SLIT2: variants seen among roughly 807,000 people sequenced by gnomAD.
The protein encoded by SLIT2 is slit guidance ligand 2, also known as slit homolog 2 protein.
Under a neutral mutation model 185.7 loss-of-function variants are expected in SLIT2, and 41 were observed. The observed-to-expected ratio is 0.22, with a 90% CI of 0.17 to 0.29. The LOEUF is 0.29. Ranked by LOEUF, SLIT2 falls within the 10% of genes least tolerant of loss-of-function variation. The pLI, the probability that SLIT2 is intolerant of heterozygous loss-of-function variation, is 1.00. For missense variants in SLIT2, 1,571 were observed against 1,909.0 expected (o/e 0.82, Z 3.30); for synonymous variants, 693 against 680.2 (o/e 1.02, Z -0.29).
intron 4 of SLIT2, among the ~76,000 whole-genome samples, chr4:20,389,062 G>T (rs948933010): frequency 5.3e-5 from 8 of 150,148 alleles, no homozygotes; most frequent in African/African-American, 1.7e-4. Flanking sequence ...TAAAATATCT[G>T]TTCTTAGTCT....
At chr4:20,397,153 G>T (rs1725960444) in intron 4 of SLIT2, among the ~76,000 whole-genome samples, 1 of 151,552 alleles carries the variant, frequency 6.6e-6, no homozygotes, top group African/African-American at 2.4e-5. Flanking sequence ...ATGCTAGTGG[G>T]AGCCCCCAGA....
chr4:20,424,066 A>G (rs1728368245), intron 4 of SLIT2, among the ~76,000 whole-genome samples: 1 of 152,126 alleles, frequency 6.6e-6, no homozygotes, highest in South Asian at 2.1e-4. Context: ...TGTAAATGAA[A>G]CCATTTGTTC....
At chr4:20,387,859 C>G (rs1256694967) in intron 4 of SLIT2, among the ~76,000 whole-genome samples, 1 of 152,058 alleles carries the variant, frequency 6.6e-6, no homozygotes, top group African/African-American at 2.4e-5. Context: ...TTTACTGACA[C>G]CCTGATTTCA....
intron 4 of SLIT2, among the ~76,000 whole-genome samples, chr4:20,338,349 A>G (rs78728181): frequency 0.061 from 9,241 of 152,222 alleles, 365 homozygotes; most frequent in Non-Finnish European, 0.092. Context: ...TGATGGCACA[A>G]TTATTTTCAT....
chr4:20,458,088 C>CAAA (rs10672353), intron 4 of SLIT2, among the ~76,000 whole-genome samples: 10,528 of 112,592 alleles, frequency 0.094, 444 homozygotes, highest in Non-Finnish European at 0.11. Context: ...ACACATTATG[C>CAAA]AAAAAAAAAA....
At chr4:20,491,541 T>A (rs555604974) in intron 8 of SLIT2, among the ~76,000 whole-genome samples, 116 of 152,236 alleles carry the variant, frequency 7.6e-4, no homozygotes, top group African/African-American at 2.7e-3. Context: ...TTATGACCAG[T>A]TTTTAGAATC....
intron 26 of SLIT2, among the ~76,000 whole-genome samples, chr4:20,560,833 A>C (rs1260053840): frequency 3.3e-5 from 5 of 151,904 alleles, no homozygotes; most frequent in Non-Finnish European, 7.4e-5. Context: ...TTAAACAAAT[A>C]TTATTCAAGT....
At chr4:20,605,467 A>G (rs1206521812) in intron 33 of SLIT2, among the ~76,000 whole-genome samples, 1 of 152,188 alleles carries the variant, frequency 6.6e-6, no homozygotes, top group Non-Finnish European at 1.5e-5. Flanking sequence ...TCAAATTCCC[A>G]GTGGAAAGGC....
chr4:20,355,970 G>C (rs1722286907), intron 4 of SLIT2, among the ~76,000 whole-genome samples: 1 of 151,948 alleles, frequency 6.6e-6, no homozygotes, highest in Admixed American at 6.6e-5. Flanking sequence ...TAAGGACCTA[G>C]CATTATAAAA....
chr4:20,415,791 A>G lies in SLIT2; in HGVS notation c.396-51961A>G, dbSNP rs144803949. Among the ~76,000 whole-genome samples, 113 of 152,298 alleles carry G rather than the reference A, an allele frequency of 7.4e-4. 2 individuals carry two copies. The East Asian group carries it at 0.017, about 23-fold the overall frequency. ...ATATGTAGAGTGATTCTGTATTCCC[A>G]TTTTATAGATGAGGAAACTGAAGCT... On this transcript the variant is annotated intron_variant, in intron 4 of 36. Coordinates refer to ENST00000504154, the MANE Select transcript of SLIT2 (RefSeq NM_004787.4).
intron 4 of SLIT2, among the ~76,000 whole-genome samples, chr4:20,397,307 G>A (rs1725975742): frequency 6.6e-6 from 1 of 151,762 alleles, no homozygotes; most frequent in Non-Finnish European, 1.5e-5. Context: ...ATAAAGTGAG[G>A]ATAACAGTAT....
intron 4 of SLIT2, among the ~76,000 whole-genome samples, chr4:20,345,927 T>A (rs1721374161): frequency 6.6e-6 from 1 of 152,136 alleles, no homozygotes; most frequent in Admixed American, 6.5e-5. Flanking sequence ...AAGCAAGATA[T>A]CTGTAGACTA....
chr4:20,510,945 C>A lies in SLIT2; in HGVS notation c.987-121C>A, dbSNP rs1015126982. ...CTGATCCTTCAGATGTTCAATGTTGCACGTTTTGGACATGTCTTGATAAGT... is the reference window on the plus strand; with the variant it reads ...CTGATCCTTCAGATGTTCAATGTTGAACGTTTTGGACATGTCTTGATAAGT... On this transcript the variant is annotated intron_variant, in intron 10 of 36. Coordinates refer to ENST00000504154, the MANE Select transcript of SLIT2 (RefSeq NM_004787.4). 29 of 593,362 alleles carry A rather than the reference C, an allele frequency of 4.9e-5. No homozygotes were observed. In the Admixed American group the frequency reaches 6.2e-4, roughly 13 times the overall value. The allele number at this position is 593,362 out of a possible 1,614,324, so 36.8% of individuals were successfully genotyped here. A position where few individuals can be genotyped will look rare whatever the true frequency, so the allele number is the denominator to read the frequency against.
At chr4:20,557,814 A>G (rs1475387901) in intron 26 of SLIT2, among the ~76,000 whole-genome samples, 7 of 152,084 alleles carry the variant, frequency 4.6e-5, no homozygotes, top group Non-Finnish European at 1.0e-4. Flanking sequence ...AACATTTGTG[A>G]TTCATGGGAG....
intron 5 of SLIT2, among the ~76,000 whole-genome samples, chr4:20,477,491 G>T (rs1040437323): frequency 1.3e-5 from 2 of 152,124 alleles, no homozygotes; most frequent in Non-Finnish European, 2.9e-5. Context: ...GAGCCACCAC[G>T]CCTAGCCGAG....
chr4:20,455,446 C>T (rs1166717310), intron 4 of SLIT2, among the ~76,000 whole-genome samples: 2 of 152,032 alleles, frequency 1.3e-5, no homozygotes, highest in East Asian at 1.9e-4. Context: ...AGACCAAATA[C>T]AAAAGAGCTG....
At chr4:20,371,724 A>G (rs1184580317) in intron 4 of SLIT2, among the ~76,000 whole-genome samples, 1 of 152,212 alleles carries the variant, frequency 6.6e-6, no homozygotes, top group Non-Finnish European at 1.5e-5. Context: ...ATACCTGGTC[A>G]AAAGGAGATG....
At chr4:20,579,091 T>C (rs1726311809) in intron 29 of SLIT2, among the ~76,000 whole-genome samples, 2 of 151,858 alleles carry the variant, frequency 1.3e-5, no homozygotes, top group Non-Finnish European at 2.9e-5. Flanking sequence ...GTCAGGAGTT[T>C]GAGACCAGCC....
At position 20,252,822 on chromosome 4, in the gene SLIT2, T is replaced by G. The variant is rs1722146568; in HGVS notation, c.-994T>G. Among the ~76,000 whole-genome samples, 1 of 152,094 alleles carries G rather than the reference T, an allele frequency of 6.6e-6. No homozygotes were observed. Among genetic ancestry groups the G allele is most frequent in the Non-Finnish European group, 1.5e-5 (1 of 68,014 alleles). The stretch of plus-strand genomic sequence containing the variant: ...AGCAGGACGCTGACACCTCCAACCT[T>G]GGCCTTTGCCTTTCCACTCCTTCCG... On this transcript the variant is annotated 5_prime_UTR_variant, in exon 1 of 37. Coordinates refer to ENST00000504154, the MANE Select transcript of SLIT2 (RefSeq NM_004787.4).
Sources: gnomAD v4.1 joint callset for allele counts (sites outside exome capture counted in the v4.1 genomes callset) on GRCh38, gnomAD v4.1.1 for gene constraint, MANE v1.5 for transcripts, NCBI Gene and HGNC (gene_info 2026-07-23, HGNC 2026-07-21) for gene names.